The following AFF1 variants were observed in gnomAD, a reference collection of about 807,000 sequenced individuals.
The protein encoded by AFF1 is ALF transcription elongation factor 1.
Under a neutral mutation model 121.7 loss-of-function variants are expected in AFF1, and 48 were observed. The observed-to-expected ratio is 0.39, with a 90% CI of 0.31 to 0.50. AFF1 has a LOEUF of 0.50. AFF1 is among the 20% of genes least tolerant of loss of function. The pLI, the probability that AFF1 is intolerant of heterozygous loss-of-function variation, is 0.76. For missense variants in AFF1, 1,523 were observed against 1,511.7 expected, an observed-to-expected ratio of 1.01 and a Z score of -0.12; for synonymous variants, 613 against 563.0, an observed-to-expected ratio of 1.09 and a Z score of -1.26.
intron 2 of AFF1, among the ~76,000 whole-genome samples, chr4:87,044,410 C>A (rs937101400): frequency 6.6e-6 from 1 of 152,024 alleles, no homozygotes; most frequent in African/African-American, 2.4e-5. Context: ...TTGCGAGGTT[C>A]GTTTCTGATG....
intron 15 of AFF1, among the ~76,000 whole-genome samples, chr4:87,127,349 A>G (rs1728383268): frequency 6.6e-6 from 1 of 152,044 alleles, no homozygotes; most frequent in Non-Finnish European, 1.5e-5. Context: ...TTTTTAGTAG[A>G]GACGGGTTTC....
Position 87,022,206 on chromosome 4 carries a change from CAAAAAA to C in AFF1, c.39-23942_39-23937del, listed in dbSNP as rs11296179. On this transcript the variant is annotated intron_variant, in intron 2 of 20. Coordinates refer to ENST00000395146, the MANE Select transcript of AFF1 (RefSeq NM_001166693.3). Reference sequence around the variant, plus strand: ...GGCGTGACACAGCGAGACTCCATCTCAAAAAAAAAAAAAAAAAAAAAAATGCCATGC... The same window carrying C: ...GGCGTGACACAGCGAGACTCCATCTCAAAAAAAAAAAAAAAAATGCCATGC... Among the ~76,000 whole-genome samples, 632 of 76,098 alleles carry C rather than the reference CAAAAAA, an allele frequency of 8.3e-3. 3 individuals carry two copies. Among genetic ancestry groups the C allele is most frequent in the African/African-American group, 0.033 (609 of 18,654 alleles). 49.9% of individuals were successfully genotyped at this position (76,098 alleles called of 152,430 possible).
At chr4:87,096,508 A>C (rs1430026334) in intron 8 of AFF1, among the ~76,000 whole-genome samples, 3 of 150,252 alleles carry the variant, frequency 2.0e-5, no homozygotes, top group Non-Finnish European at 4.4e-5. Context: ...CTGAGATTAC[A>C]GATGTGAGCT....
chr4:87,063,947 A>C (rs1721073391), intron 4 of AFF1, among the ~76,000 whole-genome samples: 2 of 152,250 alleles, frequency 1.3e-5, no homozygotes, highest in African/African-American at 2.4e-5. Flanking sequence ...GGTGTTTCAC[A>C]GTTGTTGTGA....
At chr4:87,083,097 C>G (rs1335696441) in intron 4 of AFF1, among the ~76,000 whole-genome samples, 1 of 152,142 alleles carries the variant, frequency 6.6e-6, no homozygotes, top group Admixed American at 6.5e-5. Flanking sequence ...CATTGAAAAC[C>G]ATATGTTCCA....
chr4:87,078,373 A>C (rs540601107), intron 4 of AFF1, among the ~76,000 whole-genome samples: 2 of 152,304 alleles, frequency 1.3e-5, no homozygotes, highest in South Asian at 4.1e-4. Flanking sequence ...GACTGAAAAC[A>C]TGCCAGCCAT....
rs368407921 is a variant in AFF1, at chr4:87,048,059, A to T, written c.1059+465A>T. 1.7e-3 allele frequency: 289 copies of T among 170,266 alleles called. 2 individuals are homozygous for T. The highest frequency in any genetic ancestry group is 6.5e-3 in the African/African-American group (271 of 41,716). 10.5% of individuals were successfully genotyped at this position (170,266 alleles called of 1,614,324 possible). On this transcript the variant is annotated intron_variant, in intron 4 of 20. Transcript: ENST00000395146. ...ATTAATACCTCCTCAGACCCAGTTA[A>T]TTTTTCCTGGGCTCTAAACCGTAAA...
intron 12 of AFF1, among the ~76,000 whole-genome samples, chr4:87,118,549 C>T (rs552032295): frequency 1.3e-5 from 2 of 152,242 alleles, no homozygotes; most frequent in Non-Finnish European, 1.5e-5. Flanking sequence ...GGGTCTCGCT[C>T]TGTTGCCCAG....
At chr4:87,131,713 T>G (rs535375670) in intron 17 of AFF1, 80 bp from the exon 18 acceptor site, 1 of 1,224,750 alleles carries the variant, frequency 8.2e-7, no homozygotes, top group East Asian at 2.5e-5. Context: ...AAAGTCAATA[T>G]AAAATGGAAA....
In AFF1 at chr4:87,126,180, C is replaced by T. The variant is rs952749174; in HGVS notation, c.2655C>T (p.Ala885=). ...PPVSSSSQKP[A]KPALKRSRRE... ...TGTCCTCGTCCTCCCAGAAGCCAGCCAAGCCTGCACTTAAGAGGTCAAGGC... is the reference window on the plus strand; with the variant it reads ...TGTCCTCGTCCTCCCAGAAGCCAGCTAAGCCTGCACTTAAGAGGTCAAGGC... Residue 885 remains alanine (A), a synonymous_variant, in exon 14 of 21, where the codon GCC becomes GCT. Transcript: ENST00000395146. 6.2e-7 allele frequency: 1 copy of T among 1,614,010 alleles called. No individual in the cohort carries two copies. The highest frequency in any genetic ancestry group is 1.7e-5 in the Admixed American group (1 of 59,996).
At chr4:87,127,492 C>T in intron 15 of AFF1, 151 bp from the exon 16 acceptor site, 1 of 711,716 alleles carries the variant, frequency 1.4e-6, no homozygotes, top group South Asian at 1.9e-5. Context: ...TCCATTTCCT[C>T]CTCCCCTCCT....
chr4:86,976,016 G>T (rs1229392469), intron 2 of AFF1, among the ~76,000 whole-genome samples: 2 of 152,152 alleles, frequency 1.3e-5, no homozygotes, highest in Non-Finnish European at 2.9e-5. Context: ...GGTGAGTATA[G>T]CAGGCCTACG....
intron 11 of AFF1, among the ~76,000 whole-genome samples, chr4:87,111,264 G>C (rs113316557): frequency 1.1e-4 from 3 of 28,020 alleles, no homozygotes; most frequent in African/African-American, 3.0e-4. Flanking sequence ...TGATCCGCCC[G>C]CCTCGGCCTC....
Position 87,016,741 on chromosome 4 carries a change from C to T in AFF1, c.39-29425C>T, listed in dbSNP as rs75425517. ...TTAATCCCGGTCCCCAGCCCCACCA[C>T]CATAACCTACTTTCTGTCTCTGTAA... On this transcript the variant is annotated intron_variant, in intron 2 of 20. Coordinates refer to ENST00000395146, the MANE Select transcript of AFF1 (RefSeq NM_001166693.3). 3.9e-3 allele frequency among the ~76,000 whole-genome samples: 590 copies of T among 152,260 alleles called. 3 individuals carry two copies. The highest frequency in any genetic ancestry group is 0.013 in the African/African-American group (554 of 41,538).
intron 2 of AFF1, among the ~76,000 whole-genome samples, chr4:86,979,690 A>T (rs1047736031): frequency 1.3e-5 from 2 of 152,258 alleles, no homozygotes; most frequent in Admixed American, 6.5e-5. Context: ...AATGAAAACT[A>T]CATTTAGCTA....
At chr4:87,117,133 C>A (rs1423086475) in intron 12 of AFF1, among the ~76,000 whole-genome samples, 2 of 152,200 alleles carry the variant, frequency 1.3e-5, no homozygotes, top group African/African-American at 4.8e-5. Context: ...CAGTCCAGTT[C>A]ATACCCCAGT....
chr4:87,115,115 A>G lies in AFF1; in HGVS notation c.2282A>G (p.Asp761Gly), dbSNP rs2149769445. 3 of 1,614,064 alleles carry G rather than the reference A, an allele frequency of 1.9e-6. No homozygotes were observed. Among genetic ancestry groups the G allele is most frequent in the African/African-American group, 1.3e-5 (1 of 75,002 alleles). Reference sequence around the variant, plus strand: ...ACCAAGCTGCTCTCACCGCTCAGGGACACTCCTCCCCCACAAAGCTTGATG... The same window carrying G: ...ACCAAGCTGCTCTCACCGCTCAGGGGCACTCCTCCCCCACAAAGCTTGATG... Reference protein sequence around the residue: ...RDTKLLSPLRDTPPPQSLMVK... With the variant: ...RDTKLLSPLRGTPPPQSLMVK... The change falls in exon 12 of 21, where the codon GAC becomes GGC. Residue 761 changes from aspartate to glycine, a missense_variant. By Grantham distance (94) the Asp-to-Gly change is moderately conservative. Transcript: ENST00000395146.
intron 12 of AFF1, among the ~76,000 whole-genome samples, chr4:87,121,352 T>C (rs1727669774): frequency 6.6e-6 from 1 of 152,236 alleles, no homozygotes; most frequent in Admixed American, 6.5e-5. Context: ...CTTGGAATTT[T>C]GGTCTGCATT....
intron 4 of AFF1, among the ~76,000 whole-genome samples, chr4:87,065,691 A>G (rs1721281209): frequency 6.6e-6 from 1 of 152,210 alleles, no homozygotes; most frequent in South Asian, 2.1e-4. Flanking sequence ...CAGAAGAAAA[A>G]TAAGTTTTAG....
Sources: allele counts gnomAD v4.1 joint callset (sites outside exome capture counted in the v4.1 genomes callset), GRCh38; gene constraint gnomAD v4.1.1; transcripts MANE v1.5; gene names NCBI Gene and HGNC (gene_info 2026-07-23, HGNC 2026-07-21).